Variants in ANAPC10 observed in about 807,000 individuals in gnomAD.
The protein encoded by ANAPC10 is anaphase promoting complex subunit 10, also known as anaphase-promoting complex subunit 10.
A neutral mutation model predicts 22.0 loss-of-function variants in ANAPC10; 12 were observed. The observed-to-expected ratio is 0.55, with a 90% CI of 0.35 to 0.88. ANAPC10 has a LOEUF of 0.88. ANAPC10 is among the 40% of genes least tolerant of loss of function. ANAPC10 has a pLI of 0.01. For synonymous variants in ANAPC10, 65 were observed against 69.5 expected (o/e 0.94, Z 0.32); for missense variants, 188 against 220.9 (o/e 0.85, Z 0.94).
chr4:144,998,913 A>C (rs1732061680), intron 4 of ANAPC10, among the ~76,000 whole-genome samples: 1 of 152,220 alleles, frequency 6.6e-6, no homozygotes, highest in African/African-American at 2.4e-5. Context: ...AAATAGACAC[A>C]ATAAAAAATG....
intron 4 of ANAPC10, among the ~76,000 whole-genome samples, chr4:145,048,873 A>C (rs1213627612): frequency 6.6e-6 from 1 of 152,194 alleles, no homozygotes; most frequent in African/African-American, 2.4e-5. Flanking sequence ...TCTAATTTAT[A>C]AATAGGAAAA....
At chr4:145,072,794 G>A (rs183433415) in intron 3 of ANAPC10, among the ~76,000 whole-genome samples, 42 of 152,002 alleles carry the variant, frequency 2.8e-4, no homozygotes, top group Admixed American at 1.2e-3. Context: ...TCAATATGTA[G>A]GTGACTAGTA....
At position 145,064,658 on chromosome 4, in the gene ANAPC10, C is replaced by T. The variant is rs751074331; in HGVS notation, c.241G>A (p.Ala81Thr). The stretch of plus-strand genomic sequence containing the variant: ...TAGCTTTCATCAGATTTGTAGTCTG[C>T]ATAAATACATAATGTCTTCACTGTT... ...KTTVKTLCIY[A>T]DYKSDESYTP... Residue 81 changes from alanine (A) to threonine (T), a missense_variant, in exon 4 of 5, where the codon GCA becomes ACA. By Grantham distance (58) the Ala-to-Thr change is moderately conservative (BLOSUM62 0). Coordinates refer to ENST00000507656, the MANE Select transcript of ANAPC10 (RefSeq NM_001256706.2). 6.3e-7 allele frequency: 1 copy of T among 1,585,570 alleles called. No individual in the cohort carries two copies. Among genetic ancestry groups the T allele is most frequent in the South Asian group, 1.2e-5 (1 of 86,110 alleles).
intron 3 of ANAPC10, among the ~76,000 whole-genome samples, chr4:145,066,777 T>TAA (rs34932133): frequency 0.019 from 2,835 of 149,928 alleles, 93 homozygotes; most frequent in African/African-American, 0.063. Context: ...TTTTCTGATT[T>TAA]AAAAAAAAAA....
intron 4 of ANAPC10, among the ~76,000 whole-genome samples, chr4:145,010,222 G>T (rs992553265): frequency 1.3e-4 from 20 of 152,146 alleles, no homozygotes; most frequent in African/African-American, 4.6e-4. Flanking sequence ...TACACTGTTG[G>T]TGGGACTATA....
chr4:145,063,835 T>A (rs142755481), intron 4 of ANAPC10, among the ~76,000 whole-genome samples: 1 of 152,220 alleles, frequency 6.6e-6, no homozygotes, highest in East Asian at 1.9e-4. Context: ...TCAAAAACCC[T>A]AGGCTGAGTG....
intron 4 of ANAPC10, among the ~76,000 whole-genome samples, chr4:145,032,386 G>C (rs1043961379): frequency 5.3e-5 from 8 of 152,214 alleles, no homozygotes; most frequent in Non-Finnish European, 1.0e-4. Flanking sequence ...TCAGGGACTT[G>C]GAAGAATCAT....
intron 2 of ANAPC10, among the ~76,000 whole-genome samples, chr4:145,087,141 C>T (rs541244037): frequency 2.2e-4 from 34 of 152,092 alleles, no homozygotes; most frequent in East Asian, 5.8e-4. Flanking sequence ...AGCCTAAAGC[C>T]GAGCCATCAC....
At chr4:145,041,271 T>C (rs1260767791) in intron 4 of ANAPC10, among the ~76,000 whole-genome samples, 1 of 152,238 alleles carries the variant, frequency 6.6e-6, no homozygotes. Flanking sequence ...TAACAAATTT[T>C]ATTTTACATG....
intron 4 of ANAPC10, among the ~76,000 whole-genome samples, chr4:145,016,701 T>C (rs1735213586): frequency 6.6e-6 from 1 of 152,130 alleles, no homozygotes; most frequent in South Asian, 2.1e-4. Flanking sequence ...GGAGGCATCA[T>C]GCTACCTCAC....
chr4:145,002,370 C>T (rs2126863018), intron 4 of ANAPC10, among the ~76,000 whole-genome samples: 1 of 151,616 alleles, frequency 6.6e-6, no homozygotes, highest in East Asian at 1.9e-4. Context: ...GCTCTTCTGC[C>T]CTAGTGAAGA....
chr4:145,064,418 A>G (rs1743371774), intron 4 of ANAPC10, 154 bp downstream of exon 4: 1 of 505,076 alleles, frequency 2.0e-6, no homozygotes, highest in South Asian at 5.8e-5. Context: ...ATCAGAATTC[A>G]GAAGAAAAAA....
In ANAPC10 at chr4:145,052,166, G is replaced by A. The variant is rs534938434; in HGVS notation, c.327+12406C>T. 2.6e-5 allele frequency among the ~76,000 whole-genome samples: 4 copies of A among 152,210 alleles called. No homozygotes were observed. The South Asian group carries it at 8.3e-4, about 32-fold the overall frequency. On this transcript the variant is annotated intron_variant, in intron 4 of 4. Transcript: ENST00000507656. Reference sequence around the variant, plus strand: ...GACATAAAATTTCGGTGAGGCATAAGAAATAAGTTCAAGTCATCTACTGTG... The same window carrying A: ...GACATAAAATTTCGGTGAGGCATAAAAAATAAGTTCAAGTCATCTACTGTG...
chr4:145,007,196 C>T (rs187425510), intron 4 of ANAPC10, among the ~76,000 whole-genome samples: 1 of 152,050 alleles, frequency 6.6e-6, no homozygotes, highest in Non-Finnish European at 1.5e-5. Context: ...TAATGGGAGA[C>T]TTTAACACCC....
intron 4 of ANAPC10, among the ~76,000 whole-genome samples, chr4:145,023,004 C>T (rs1736179527): frequency 6.6e-6 from 1 of 151,974 alleles, no homozygotes; most frequent in African/African-American, 2.4e-5. Context: ...GGTATATCTC[C>T]TAATGCTAGT....
chr4:145,093,573 A>C (rs531542426), intron 2 of ANAPC10, among the ~76,000 whole-genome samples: 2 of 152,098 alleles, frequency 1.3e-5, no homozygotes, highest in African/African-American at 2.4e-5. Flanking sequence ...TGTTAAAAAA[A>C]AAAAACAAAA....
chr4:145,088,679 T>C (rs1336461721), intron 2 of ANAPC10, among the ~76,000 whole-genome samples: 2 of 152,216 alleles, frequency 1.3e-5, no homozygotes, highest in Non-Finnish European at 2.9e-5. Flanking sequence ...TTTCCTCCAT[T>C]GGTGTTCACC....
intron 4 of ANAPC10, among the ~76,000 whole-genome samples, chr4:145,036,794 T>C (rs1050078797): frequency 1.3e-5 from 2 of 152,124 alleles, no homozygotes; most frequent in Admixed American, 6.5e-5. Flanking sequence ...AACTTAACAA[T>C]ACCAAGTCTA....
At chr4:145,088,144 T>C (rs1344807661) in intron 2 of ANAPC10, among the ~76,000 whole-genome samples, 2 of 152,202 alleles carry the variant, frequency 1.3e-5, no homozygotes, top group African/African-American at 4.8e-5. Context: ...TCTCTTGGTT[T>C]TCCTCCTAGT....
Sources: allele counts gnomAD v4.1 joint callset (sites outside exome capture counted in the v4.1 genomes callset), GRCh38; gene constraint gnomAD v4.1.1; transcripts MANE v1.5; gene names NCBI Gene and HGNC (gene_info 2026-07-23, HGNC 2026-07-21).